CNTNAP4: variants seen among roughly 807,000 people sequenced by gnomAD.
The protein encoded by CNTNAP4 is contactin associated protein family member 4.
A neutral mutation model predicts 148.4 loss-of-function variants in CNTNAP4; 98 were observed. The ratio of observed to expected loss-of-function variants is 0.66; its 90% confidence interval spans 0.56 to 0.78. The LOEUF is 0.78. Ranked by LOEUF, CNTNAP4 falls within the 30% of genes least tolerant of loss-of-function variation. The pLI is 0.00. For synonymous variants in CNTNAP4, 730 were observed against 565.1 expected (o/e 1.29, Z -4.14); for missense variants, 1,935 against 1,565.6 (o/e 1.24, Z -3.98).
chr16:76,451,386 T>C (rs897290815), intron 7 of CNTNAP4, among the ~76,000 whole-genome samples: 2 of 152,146 alleles, frequency 1.3e-5, no homozygotes, highest in Non-Finnish European at 2.9e-5. Context: ...TAAATTTCTT[T>C]CATTGCTTAA....
intron 18 of CNTNAP4, among the ~76,000 whole-genome samples, 178 bp from the exon 19 acceptor site, chr16:76,537,938 G>C (rs1161798217): frequency 6.6e-6 from 1 of 151,992 alleles, no homozygotes; most frequent in Non-Finnish European, 1.5e-5. Context: ...TTAACAGAAA[G>C]CCATTTCAAA....
chr16:76,310,155 C>T (rs1234685986), intron 1 of CNTNAP4, among the ~76,000 whole-genome samples: 1 of 151,968 alleles, frequency 6.6e-6, no homozygotes, highest in East Asian at 1.9e-4. Context: ...TATTCAGTCT[C>T]TCGTTGGGCA....
Position 76,448,748 on chromosome 16 carries a change from AT to A in CNTNAP4, c.743-14del, listed in dbSNP as rs1568211509. The A allele has an allele frequency of 6.5e-7, 1 of 1,534,916 alleles. No homozygotes were observed. Among genetic ancestry groups the A allele is most frequent in the East Asian group, 2.4e-5 (1 of 41,854 alleles). On this transcript the variant is annotated intron_variant, in intron 5 of 23. Transcript: ENST00000611870. The stretch of plus-strand genomic sequence containing the variant: ...TTAGACTGGCAATAATGGTGCTGTT[AT>A]TTTTCTCCTCTTCTAAGGTGAAGCT...
rs1959096769 is a variant in CNTNAP4 at position 76,291,101 on chromosome 16, T to C, written c.85+13354T>C. On this transcript the variant is annotated intron_variant, in intron 1 of 23. Coordinates refer to ENST00000611870, the MANE Select transcript of CNTNAP4 (RefSeq NM_033401.5). ...GGCCCTCTCTCTGAATAAAGTCACA[T>C]TGGGGATTAGGGCTTTGACATATTA... Among the ~76,000 whole-genome samples, 3 of 152,304 alleles carry C rather than the reference T, an allele frequency of 2.0e-5. No homozygotes were observed. In the South Asian group the frequency reaches 6.2e-4, roughly 32 times the overall value.
At chr16:76,332,581 A>G (rs962595974) in intron 2 of CNTNAP4, among the ~76,000 whole-genome samples, 1 of 151,982 alleles carries the variant, frequency 6.6e-6, no homozygotes, top group Admixed American at 6.6e-5. Context: ...TTATTGATAC[A>G]TAATCAACTG....
chr16:76,498,318 G>A (rs549063127), intron 14 of CNTNAP4, among the ~76,000 whole-genome samples: 2 of 152,298 alleles, frequency 1.3e-5, no homozygotes, highest in South Asian at 4.1e-4. Flanking sequence ...ATTTAACCCA[G>A]AAAGAGGAGG....
intron 15 of CNTNAP4, among the ~76,000 whole-genome samples, chr16:76,514,323 T>C (rs1331294434): frequency 6.6e-6 from 1 of 152,228 alleles, no homozygotes. Flanking sequence ...GCTCCAAAAT[T>C]CTGTTCTTCC....
intron 3 of CNTNAP4, among the ~76,000 whole-genome samples, chr16:76,394,780 G>T (rs1281284738): frequency 3.3e-5 from 5 of 152,066 alleles, no homozygotes; most frequent in African/African-American, 1.2e-4. Flanking sequence ...TGAACGTGTA[G>T]AACTTAGAAG....
At chr16:76,302,370 C>A (rs554082352) in intron 1 of CNTNAP4, among the ~76,000 whole-genome samples, 1 of 152,034 alleles carries the variant, frequency 6.6e-6, no homozygotes, top group African/African-American at 2.4e-5. Context: ...CGTTAATTAG[C>A]AGAATTTCCT....
chr16:76,355,173 A>AT (rs1167262065), intron 2 of CNTNAP4, 145 bp from the exon 3 acceptor site: 1 of 487,778 alleles, frequency 2.1e-6, no homozygotes, highest in Non-Finnish European at 3.5e-6. Flanking sequence ...TTACCTCTAT[A>AT]TTTTTCTACA....
rs1012365844 is a variant in CNTNAP4, at chr16:76,347,225, A to G, written c.197-8093A>G. On this transcript the variant is annotated intron_variant, in intron 2 of 23. Coordinates refer to ENST00000611870, the MANE Select transcript of CNTNAP4 (RefSeq NM_033401.5). ...ACTTCATAAAAAATACCGTGCATCA[A>G]AGAACAGTATTCTGTGCCTTCAGTT... Among the ~76,000 whole-genome samples the G allele has an allele frequency of 5.3e-5, 8 of 152,112 alleles. 1 individual carries two copies. The highest frequency in any genetic ancestry group is 4.8e-5 in the African/African-American group (2 of 41,498).
intron 13 of CNTNAP4, among the ~76,000 whole-genome samples, chr16:76,494,540 A>G (rs1417795859): frequency 6.6e-6 from 1 of 152,138 alleles, no homozygotes; most frequent in Non-Finnish European, 1.5e-5. Flanking sequence ...TTGCTTTGGT[A>G]TGTTAATTAC....
intron 7 of CNTNAP4, among the ~76,000 whole-genome samples, chr16:76,452,304 A>T (rs549320493): frequency 2.6e-5 from 4 of 152,184 alleles, no homozygotes; most frequent in Non-Finnish European, 2.9e-5. Context: ...TTAAATTTAT[A>T]TTAAAGTTGA....
intron 1 of CNTNAP4, among the ~76,000 whole-genome samples, chr16:76,284,351 G>A (rs1958800483): frequency 6.6e-6 from 1 of 151,896 alleles, no homozygotes; most frequent in Non-Finnish European, 1.5e-5. Flanking sequence ...CAGGTCTTGA[G>A]TTGTAGCATC....
At chr16:76,540,445 T>C (rs2144289832) in intron 20 of CNTNAP4, among the ~76,000 whole-genome samples, 1 of 152,072 alleles carries the variant, frequency 6.6e-6, no homozygotes, top group South Asian at 2.1e-4. Flanking sequence ...TACAAGGGGA[T>C]AGAAGGTAGG....
chr16:76,542,096 C>T (rs930860687), intron 21 of CNTNAP4, among the ~76,000 whole-genome samples: 1 of 152,174 alleles, frequency 6.6e-6, no homozygotes, highest in Non-Finnish European at 1.5e-5. Context: ...ACCGTGTGCA[C>T]TCTTAAGTCT....
At chr16:76,391,156 C>A (rs1457428890) in intron 3 of CNTNAP4, among the ~76,000 whole-genome samples, 1 of 152,150 alleles carries the variant, frequency 6.6e-6, no homozygotes, top group Admixed American at 6.6e-5. Context: ...CCCCCACTAC[C>A]CTTCCCAATC....
Position 76,558,597 on chromosome 16 carries a change from A to C in CNTNAP4, c.3841A>C (p.Asn1281His), listed in dbSNP as rs775237174. The change falls in exon 24 of 24, where the codon AAT (asparagine) becomes CAT (histidine). Residue 1281 changes from asparagine (N) to histidine (H), a missense_variant. Physicochemically the swap from Asn to His is moderately conservative, Grantham distance 68. Transcript: ENST00000611870. ...AAGAAGTGAGGCAAAAAGGTCAGAG[A>C]ATGTAGACAGTGCTGAGGCTGTTCT... Reference protein sequence around the residue: ...YKRSEAKRSENVDSAEAVLKS... With the variant: ...YKRSEAKRSEHVDSAEAVLKS... 1 of 1,613,500 alleles carries C rather than the reference A, an allele frequency of 6.2e-7. No homozygotes were observed. Among genetic ancestry groups the C allele is most frequent in the Admixed American group, 1.7e-5 (1 of 59,944 alleles).
intron 4 of CNTNAP4, among the ~76,000 whole-genome samples, chr16:76,438,765 G>A (rs777872143): frequency 4.6e-5 from 7 of 151,862 alleles, no homozygotes; most frequent in Non-Finnish European, 7.4e-5. Context: ...TTTCCTGGCC[G>A]CTGCTGACAC....
Sources: gnomAD v4.1 joint callset for allele counts (sites outside exome capture counted in the v4.1 genomes callset) on GRCh38, gnomAD v4.1.1 for gene constraint, MANE v1.5 for transcripts, NCBI Gene and HGNC (gene_info 2026-07-23, HGNC 2026-07-21) for gene names.